LAG3: variants seen among roughly 807,000 people sequenced by gnomAD.
LAG3 encodes lymphocyte activating 3, also known as lymphocyte activation gene 3 protein.
A neutral mutation model predicts 49.0 loss-of-function variants in LAG3; 29 were observed. The observed-to-expected ratio is 0.59, with a 90% CI of 0.44 to 0.81. The LOEUF (loss-of-function observed/expected upper bound fraction) is 0.81, where lower values mean the gene tolerates loss of function less well. Among genes scored for constraint, LAG3 ranks in the 30% least tolerant of loss-of-function variants. The pLI is 0.00. For synonymous variants in LAG3, 320 were observed against 297.3 expected (o/e 1.08, Z -0.79); for missense variants, 693 against 695.2 (o/e 1.00, Z 0.04).
chr12:6,772,596 C>T lies in LAG3; in HGVS notation c.-257C>T, dbSNP rs1941855722. The T allele has an allele frequency of 7.6e-6, 4 of 524,582 alleles. No homozygotes were observed. The South Asian group carries it at 1.0e-4, about 14-fold the overall frequency. 32.5% of individuals were successfully genotyped at this position (524,582 alleles called of 1,614,324 possible). On this transcript the variant is annotated 5_prime_UTR_variant, in exon 1 of 8. Coordinates refer to ENST00000203629, the MANE Select transcript of LAG3 (RefSeq NM_002286.6). ...CTCTCCGCCACGGCCCTGCTCTGTT[C>T]CCTGGGACACCCCCGCCCCCACCTC...
In LAG3 at chr12:6,773,872, C is replaced by T. The variant is rs1941872627; in HGVS notation, c.382C>T (p.Gln128Ter). ...CGTCCAGCTGGATGAGCGCGGCCGG[C>T]AGCGCGGGGACTTCTCGCTATGGCT... ...PRVQLDERGR[Q>*]RGDFSLWLRP... The change falls in exon 3 of 8, where the codon CAG (glutamine) becomes TAG (stop). Residue 128 changes from glutamine to a stop codon, truncating the protein, a stop_gained. Transcript: ENST00000203629. LOFTEE classifies it high-confidence loss of function. This position sits in a 1 kb window ranked among gnomAD's most constrained non-coding sequence, Gnocchi z 5.5. The T allele has an allele frequency of 2.1e-6, 3 of 1,400,264 alleles. No homozygotes were observed. The highest frequency in any genetic ancestry group is 2.8e-6 in the Non-Finnish European group (3 of 1,085,520). 86.7% of individuals were successfully genotyped at this position (1,400,264 alleles called of 1,614,324 possible).
In LAG3 at chr12:6,773,564, C is replaced by T. The variant is rs897887084; in HGVS notation, c.207-133C>T. 2.1e-5 allele frequency: 25 copies of T among 1,182,414 alleles called. No homozygotes were observed. The African/African-American group carries it at 2.7e-4, about 13-fold the overall frequency. The allele number at this position is 1,182,414 out of a possible 1,614,324, so 73.2% of individuals were successfully genotyped here. A position where few individuals can be genotyped will look rare whatever the true frequency, so the allele number is the denominator to read the frequency against. On this transcript the variant is annotated intron_variant, in intron 2 of 7. Transcript: ENST00000203629. The surrounding 1 kb of genome is among the most constrained non-coding windows in gnomAD (Gnocchi z 5.5). Reference sequence around the variant, plus strand: ...GATGCGGCCAGTCCAACAGAGGGGTCGGGCGTGAGGGGACGGTTGGTGGTC... The same window carrying T: ...GATGCGGCCAGTCCAACAGAGGGGTTGGGCGTGAGGGGACGGTTGGTGGTC...
At position 6,775,531 on chromosome 12, in the gene LAG3, C is replaced by T. The variant is rs144949858; in HGVS notation, c.1040C>T (p.Thr347Ile). 68 of 1,614,230 alleles carry T rather than the reference C, an allele frequency of 4.2e-5. No homozygotes were observed. In the African/African-American group the frequency reaches 8.3e-4, roughly 20 times the overall value. ...GAACAGCAGCTCAATGCCACTGTCA[C>T]ATTGGCAATCATCACAGGTCAGCCT... ...LQEQQLNATV[T>I]LAIITVTPKS... is the part of the protein sequence containing the mutation. Residue 347 changes from threonine (T) to isoleucine (I), a missense_variant, in exon 5 of 8, where the codon ACA becomes ATA. Transcript: ENST00000203629.
chr12:6,776,649 C>A (rs1200348984), intron 5 of LAG3, among the ~76,000 whole-genome samples: 1 of 152,130 alleles, frequency 6.6e-6, no homozygotes, highest in Non-Finnish European at 1.5e-5. Context: ...ATGAATGGGT[C>A]AGTTCCCTGT....
intron 5 of LAG3, 114 bp downstream of exon 5, chr12:6,775,662 C>A: frequency 2.0e-6 from 2 of 1,017,714 alleles, no homozygotes; most frequent in Non-Finnish European, 2.9e-6. Flanking sequence ...GGCCACTGGG[C>A]ACAAGTTCCA....
chr12:6,773,833 C>G lies in LAG3; in HGVS notation c.343C>G (p.Pro115Ala). 7.1e-7 allele frequency: 1 copy of G among 1,407,748 alleles called. No homozygotes were observed. The highest frequency in any genetic ancestry group is 9.2e-7 in the Non-Finnish European group (1 of 1,085,672). 87.2% of individuals were successfully genotyped at this position (1,407,748 alleles called of 1,614,324 possible). A position where few individuals can be genotyped will look rare whatever the true frequency, so the allele number is the denominator to read the frequency against. Residue 115 changes from proline (P) to alanine (A), a missense_variant, in exon 3 of 8, where the codon CCC (proline) becomes GCC (alanine). Physicochemically the swap from Pro to Ala is conservative, Grantham distance 27. Coordinates refer to ENST00000203629, the MANE Select transcript of LAG3 (RefSeq NM_002286.6). This position sits in a 1 kb window ranked among gnomAD's most constrained non-coding sequence, Gnocchi z 5.5. ...GPGGLRSGRL[P>A]LQPRVQLDER... ...CGGAGGCCTGCGCAGCGGGAGGCTGCCCCTGCAGCCCCGCGTCCAGCTGGA... is the reference window on the plus strand; with the variant it reads ...CGGAGGCCTGCGCAGCGGGAGGCTGGCCCTGCAGCCCCGCGTCCAGCTGGA...
rs760233458 is a variant in LAG3 at position 6,778,324 on chromosome 12, AGAACCGGAGCCGGAGCCGGAGCCG to A, written c.1524_1547del (p.Glu511_Pro518del). The A allele has an allele frequency of 1.7e-5, 27 of 1,613,048 alleles. No homozygotes were observed. Among genetic ancestry groups the A allele is most frequent in the African/African-American group, 2.7e-5 (2 of 74,960 alleles). On this transcript the variant is annotated inframe_deletion, in exon 8 of 8. Coordinates refer to ENST00000203629, the MANE Select transcript of LAG3 (RefSeq NM_002286.6). ...AGAGCAAGATAGAGGAGCTGGAGCA[AGAACCGGAGCCGGAGCCGGAGCCG>A]GAACCGGAGCCCGAGCCCGAGCCCG...
chr12:6,777,357 C>A lies in LAG3; in HGVS notation c.1151C>A (p.Ser384Tyr). ...VSGQERFVWS[S>Y]LDTPSQRSFS... ...GGACAAGAACGCTTTGTGTGGAGCTCTCTGGACACCCCATCCCAGAGGAGT... is the reference window on the plus strand; with the variant it reads ...GGACAAGAACGCTTTGTGTGGAGCTATCTGGACACCCCATCCCAGAGGAGT... The change falls in exon 6 of 8, where the codon TCT becomes TAT. Residue 384 changes from serine (S) to tyrosine (Y), a missense_variant. By Grantham distance (144) the Ser-to-Tyr change is moderately radical (BLOSUM62 -2). Transcript: ENST00000203629. The A allele has an allele frequency of 6.2e-7, 1 of 1,614,208 alleles. No homozygotes were observed. The highest frequency in any genetic ancestry group is 8.5e-7 in the Non-Finnish European group (1 of 1,180,028).
At position 6,774,581 on chromosome 12, in the gene LAG3, T is replaced by A; in HGVS notation, c.512-14T>A. 4.4e-6 allele frequency: 7 copies of A among 1,608,724 alleles called. No individual in the cohort carries two copies. The highest frequency in any genetic ancestry group is 5.9e-6 in the Non-Finnish European group (7 of 1,177,018). ...TTCCAGTGGGCTGATGAAGTCTTCT[T>A]TATCCTTGCACAGTGACTGCCAGCC... On this transcript the variant is annotated splice_polypyrimidine_tract_variant and intron_variant, in intron 3 of 7. Coordinates refer to ENST00000203629, the MANE Select transcript of LAG3 (RefSeq NM_002286.6).
chr12:6,778,375 G>T lies in LAG3; in HGVS notation c.1563G>T (p.Glu521Asp). The T allele has an allele frequency of 6.2e-7, 1 of 1,611,296 alleles. No homozygotes were observed. Residue 521 changes from glutamate to aspartate, a missense_variant, in exon 8 of 8, where the codon GAG (glutamate) becomes GAT (aspartate). Glu to Asp is a conservative substitution (Grantham distance 45). Transcript: ENST00000203629. ...EPEPEPEPEP[E>D]PEQL ...AACCGGAGCCCGAGCCCGAGCCCGAGCCGGAGCAGCTCTGACCTGGAGCTG... is the reference window on the plus strand; with the variant it reads ...AACCGGAGCCCGAGCCCGAGCCCGATCCGGAGCAGCTCTGACCTGGAGCTG...
chr12:6,774,975 T>A, intron 4 of LAG3, 111 bp downstream of exon 4: 2 of 1,097,686 alleles, frequency 1.8e-6, no homozygotes, highest in Non-Finnish European at 2.7e-6. Context: ...GTGGCCTACG[T>A]CATTGCTGTG....
Position 6,774,606 on chromosome 12 carries a change from C to G in LAG3, c.523C>G (p.Pro175Ala), listed in dbSNP as rs776669038. 16 of 1,613,610 alleles carry G rather than the reference C, an allele frequency of 9.9e-6. No homozygotes were observed. The highest frequency in any genetic ancestry group is 1.4e-5 in the Non-Finnish European group (16 of 1,179,748). ...RLGQASMTAS[P>A]PGSLRASDWV... Reference sequence around the variant, plus strand: ...TTATCCTTGCACAGTGACTGCCAGCCCCCCAGGATCTCTCAGAGCCTCCGA... The same window carrying G: ...TTATCCTTGCACAGTGACTGCCAGCGCCCCAGGATCTCTCAGAGCCTCCGA... The change falls in exon 4 of 8, where the codon CCC (proline) becomes GCC (alanine). Residue 175 changes from proline (P) to alanine (A), a missense_variant. Coordinates refer to ENST00000203629, the MANE Select transcript of LAG3 (RefSeq NM_002286.6).
At chr12:6,777,650 T>C in intron 6 of LAG3, 141 bp from the exon 7 acceptor site, 2 of 1,444,404 alleles carry the variant, frequency 1.4e-6, no homozygotes, top group African/African-American at 2.8e-5. Flanking sequence ...GGTTGACCCG[T>C]TTCCGCCACT....
intron 6 of LAG3, 94 bp downstream of exon 6, chr12:6,777,600 T>G: frequency 2.0e-6 from 3 of 1,499,210 alleles, no homozygotes; most frequent in Non-Finnish European, 2.7e-6. Flanking sequence ...CCCAGCGCTT[T>G]TCTTTCCAGT....
Position 6,773,127 on chromosome 12 carries a change from C to T in LAG3, c.59-65C>T. ...GTTTCTCCCTCGGGAAACACCCAGG[C>T]TCCTTCTCTACCCCTGCCTCTCGGC... On this transcript the variant is annotated intron_variant, in intron 1 of 7. Transcript: ENST00000203629. This position sits in a 1 kb window ranked among gnomAD's most constrained non-coding sequence, Gnocchi z 5.5. 8 of 1,540,562 alleles carry T rather than the reference C, an allele frequency of 5.2e-6. No homozygotes were observed. The South Asian group carries it at 8.6e-5, about 17-fold the overall frequency.
chr12:6,778,062 C>T, intron 7 of LAG3, 141 bp downstream of exon 7: 5 of 1,377,460 alleles, frequency 3.6e-6, no homozygotes, highest in Non-Finnish European at 5.0e-6. Context: ...TCATAAGCCT[C>T]TCACTCCAGG....
In LAG3 at chr12:6,773,948, TC is replaced by T. The variant is rs1941873952; in HGVS notation, c.459del (p.Arg154GlyfsTer18). ...GGCGAGTACCGCGCCGCGGTGCACC[TC>T]AGGGACCGCGCCCTCTCCTGCCGCC... ...DAGEYRAAVH[L>X]RDRALSCRLR... is the part of the protein sequence containing the mutation. On this transcript the variant is annotated frameshift_variant, in exon 3 of 8. Coordinates refer to ENST00000203629, the MANE Select transcript of LAG3 (RefSeq NM_002286.6). LOFTEE classifies it high-confidence loss of function. The surrounding 1 kb of genome is among the most constrained non-coding windows in gnomAD (Gnocchi z 5.5). 2 of 1,435,216 alleles carry T rather than the reference TC, an allele frequency of 1.4e-6. No individual in the cohort carries two copies. The highest frequency in any genetic ancestry group is 2.9e-5 in the Admixed American group (1 of 34,638). 88.9% of individuals were successfully genotyped at this position (1,435,216 alleles called of 1,614,324 possible). A position where few individuals can be genotyped will look rare whatever the true frequency, so the allele number is the denominator to read the frequency against.
intron 7 of LAG3, 33 bp from the exon 8 acceptor site, chr12:6,778,211 G>C (rs770069013): frequency 6.5e-7 from 1 of 1,546,018 alleles, no homozygotes; most frequent in Non-Finnish European, 8.8e-7. Context: ...TCCTCCTTCC[G>C]CCCTCCGTCT....
At position 6,774,745 on chromosome 12, in the gene LAG3, T is replaced by G. The variant is rs912565548; in HGVS notation, c.662T>G (p.Leu221Ter). The G allele has an allele frequency of 1.9e-6, 3 of 1,614,166 alleles. No individual in the cohort carries two copies. The African/African-American group carries it at 4.0e-5, about 22-fold the overall frequency. Residue 221 changes from leucine to a stop codon, truncating the protein, a stop_gained, in exon 4 of 8, where the codon TTA (leucine) becomes TGA (stop). Coordinates refer to ENST00000203629, the MANE Select transcript of LAG3 (RefSeq NM_002286.6). LOFTEE classifies it high-confidence loss of function. Reference protein sequence around the residue: ...VPVRESPHHHLAESFLFLPQV... With the variant: ...VPVRESPHHH Reference sequence around the variant, plus strand: ...GTCCGGGAGTCCCCCCATCACCACTTAGCGGAAAGCTTCCTCTTCCTGCCC... The same window carrying G: ...GTCCGGGAGTCCCCCCATCACCACTGAGCGGAAAGCTTCCTCTTCCTGCCC...
Sources: gnomAD v4.1 joint callset for allele counts (sites outside exome capture counted in the v4.1 genomes callset) on GRCh38, gnomAD v4.1.1 for gene constraint, Gnocchi (gnomAD v3.1) non-coding constraint, MANE v1.5 for transcripts, NCBI Gene and HGNC (gene_info 2026-07-23, HGNC 2026-07-21) for gene names.